CC2D2B: variants seen among roughly 807,000 people sequenced by gnomAD.
The protein encoded by CC2D2B is coiled-coil and C2 domain containing 2B, also known as protein CC2D2B.
In CC2D2B, 128 loss-of-function variants were observed where a neutral mutation model predicts 161.2. The ratio of observed to expected loss-of-function variants is 0.79; its 90% CI spans 0.69 to 0.92. CC2D2B has a LOEUF of 0.92. Among genes scored for constraint, CC2D2B ranks in the 40% least tolerant of loss-of-function variants. The pLI is 0.00. For missense variants in CC2D2B, 1,173 were observed against 1,375.1 expected, an observed-to-expected ratio of 0.85 and a Z score of 2.32; for synonymous variants, 391 against 449.8, an observed-to-expected ratio of 0.87 and a Z score of 1.65.
rs1239424477 is a variant in CC2D2B, at chr10:96,015,471, T to TTTC, written c.3517-728_3517-727insCTT. On this transcript the variant is annotated intron_variant, in intron 29 of 34. Coordinates refer to ENST00000646931, the MANE Select transcript of CC2D2B (RefSeq NM_001349008.3). ...AGTCTTTGCTAGAGTTTGTTTTTGT[T>TTTC]TTTTTTTTCAACAAAATCCAGAAAT... Among the ~76,000 whole-genome samples the TTTC allele has an allele frequency of 3.3e-5, 5 of 150,754 alleles. No individual in the cohort carries two copies. The East Asian group carries it at 9.7e-4, about 29-fold the overall frequency.
intron 25 of CC2D2B, among the ~76,000 whole-genome samples, chr10:96,004,860 A>G (rs1428926012): frequency 6.6e-6 from 1 of 152,186 alleles, no homozygotes; most frequent in Admixed American, 6.5e-5. Flanking sequence ...TCCAAATTCT[A>G]TGGCAATGCT....
chr10:95,910,538 A>C (rs1200793074), intron 1 of CC2D2B, among the ~76,000 whole-genome samples: 1 of 152,166 alleles, frequency 6.6e-6, no homozygotes, highest in African/African-American at 2.4e-5. Context: ...CTCATCATGA[A>C]GGGGATGGTG....
At chr10:95,973,466 T>A (rs1230050413) in intron 16 of CC2D2B, among the ~76,000 whole-genome samples, 1 of 151,848 alleles carries the variant, frequency 6.6e-6, no homozygotes, top group Non-Finnish European at 1.5e-5. Flanking sequence ...AGGAAGAAAA[T>A]CATGATATTC....
At chr10:95,912,560 A>G (rs2098508256) in intron 2 of CC2D2B, among the ~76,000 whole-genome samples, 1 of 152,200 alleles carries the variant, frequency 6.6e-6, no homozygotes, top group African/African-American at 2.4e-5. Context: ...ACAGAGGTAG[A>G]AGGGTAGAGG....
At chr10:95,965,516 G>T (rs1233348533) in intron 12 of CC2D2B, among the ~76,000 whole-genome samples, 2 of 151,896 alleles carry the variant, frequency 1.3e-5, no homozygotes, top group Non-Finnish European at 2.9e-5. Flanking sequence ...ACCTGCTCAG[G>T]TTCTCACAGC....
intron 2 of CC2D2B, among the ~76,000 whole-genome samples, chr10:95,914,898 G>T (rs1271392718): frequency 3.9e-5 from 6 of 152,162 alleles, no homozygotes; most frequent in African/African-American, 1.4e-4. Context: ...GCTATTATGA[G>T]TCTTTTTAGG....
chr10:96,019,291 C>T lies in CC2D2B; in HGVS notation c.3719C>T (p.Pro1240Leu), dbSNP rs1486461987. 1.1e-5 allele frequency: 18 copies of T among 1,611,968 alleles called. No individual in the cohort carries two copies. Among genetic ancestry groups the T allele is most frequent in the Admixed American group, 5.0e-5 (3 of 59,428 alleles). The change falls in exon 31 of 35, where the codon CCG becomes CTG. Residue 1240 changes from proline to leucine, a missense_variant. By Grantham distance (98) the Pro-to-Leu change is moderately conservative (BLOSUM62 -3). This residue lies in a region of CC2D2B where 598 missense variants were observed against 693.2 expected (regional missense o/e 0.86). Coordinates refer to ENST00000646931, the MANE Select transcript of CC2D2B (RefSeq NM_001349008.3). ...GGCCAATGTTATAAGCAGTTTGACC[C>T]GTTTTGTCCCTTAAAAAGTGTAGAT... The part of the protein sequence containing the change: ...STGQCYKQFD[P>L]FCPLKSVDCL...
intron 12 of CC2D2B, among the ~76,000 whole-genome samples, chr10:95,964,028 A>T (rs1310263812): frequency 3.3e-5 from 5 of 152,172 alleles, no homozygotes; most frequent in Admixed American, 6.6e-5. Context: ...TAACACAGAG[A>T]ATCCAGATTT....
At chr10:96,017,175 T>A (rs1199746752) in intron 30 of CC2D2B, among the ~76,000 whole-genome samples, 1 of 152,248 alleles carries the variant, frequency 6.6e-6, no homozygotes, top group Non-Finnish European at 1.5e-5. Context: ...TCTTCTACAT[T>A]TGTACCACCA....
chr10:95,927,563 A>T (rs1050308023), intron 6 of CC2D2B, among the ~76,000 whole-genome samples: 8 of 151,588 alleles, frequency 5.3e-5, no homozygotes. Flanking sequence ...TTAAATCCTC[A>T]TCTTAACCCT....
At chr10:95,984,404 A>C (rs190574160) in intron 19 of CC2D2B, among the ~76,000 whole-genome samples, 10 of 152,314 alleles carry the variant, frequency 6.6e-5, no homozygotes, top group Admixed American at 1.3e-4. Context: ...GGTTATGTAG[A>C]AGCATGTCCT....
chr10:95,957,722 G>A (rs1202281552), intron 11 of CC2D2B, among the ~76,000 whole-genome samples: 2 of 151,310 alleles, frequency 1.3e-5, no homozygotes, highest in African/African-American at 4.9e-5. Context: ...CACCACGCCT[G>A]GCTAATTTTT....
intron 32 of CC2D2B, among the ~76,000 whole-genome samples, chr10:96,024,561 G>C (rs1201043762): frequency 6.6e-6 from 1 of 152,180 alleles, no homozygotes; most frequent in African/African-American, 2.4e-5. Context: ...AAGATTATTT[G>C]GTAGTAGCAT....
intron 13 of CC2D2B, 45 bp from the exon 14 acceptor site, chr10:95,966,145 C>T (rs115516650): frequency 2.2e-5 from 17 of 768,962 alleles, no homozygotes; most frequent in Admixed American, 4.3e-5. Context: ...ATGTCCTACA[C>T]AGGGATGTAC....
chr10:96,012,707 T>G lies in CC2D2B; in HGVS notation c.3404T>G (p.Leu1135Arg). 6.3e-7 allele frequency: 1 copy of G among 1,596,190 alleles called. No individual in the cohort carries two copies. The highest frequency in any genetic ancestry group is 8.6e-7 in the Non-Finnish European group (1 of 1,163,918). The change falls in exon 28 of 35, where the codon CTT becomes CGT. Residue 1135 changes from leucine (L) to arginine (R), a missense_variant. Leu to Arg is a moderately radical substitution (Grantham distance 102, BLOSUM62 -2). Transcript: ENST00000646931. ...NPPQQLLDIFLHNSNATFDLI... is the reference protein window; with the variant it reads ...NPPQQLLDIFRHNSNATFDLI... ...CCTCAGCAACTTCTGGATATATTTCTTCACAATTCTAATGCAACATTTGTA... is the reference window on the plus strand; with the variant it reads ...CCTCAGCAACTTCTGGATATATTTCGTCACAATTCTAATGCAACATTTGTA...
Position 95,995,355 on chromosome 10 carries a change from C to G in CC2D2B, c.2729C>G (p.Thr910Ser), listed in dbSNP as rs1226274614. The G allele has an allele frequency of 3.3e-6, 5 of 1,494,458 alleles. No homozygotes were observed. In the African/African-American group the frequency reaches 4.2e-5, roughly 12 times the overall value. The allele number at this position is 1,494,458 out of a possible 1,614,324, so 92.6% of individuals were successfully genotyped here. A position where few individuals can be genotyped will look rare whatever the true frequency, so the allele number is the denominator to read the frequency against. ...ATCAAATCAGTAGCCTCAGATGAGACCTTACATGAGGTAAGTATTTAACAC... is the reference window on the plus strand; with the variant it reads ...ATCAAATCAGTAGCCTCAGATGAGAGCTTACATGAGGTAAGTATTTAACAC... ...ETIKSVASDE[T>S]LHEDTVHPFV... The change falls in exon 23 of 35, where the codon ACC becomes AGC. Residue 910 changes from threonine (T) to serine (S), a missense_variant. Thr to Ser is a moderately conservative substitution (Grantham distance 58). Around this residue, in one of 3 missense-constraint regions of CC2D2B, gnomAD observed 598 missense variants for 693.2 expected, o/e 0.86. Coordinates refer to ENST00000646931, the MANE Select transcript of CC2D2B (RefSeq NM_001349008.3).
At chr10:96,030,816 A>G (rs1193130924) in intron 34 of CC2D2B, among the ~76,000 whole-genome samples, 1 of 152,156 alleles carries the variant, frequency 6.6e-6, no homozygotes, top group Non-Finnish European at 1.5e-5. Flanking sequence ...AAGGTTTAAA[A>G]TGTGGAGTAC....
chr10:95,989,051 T>A (rs2077844955), intron 20 of CC2D2B, among the ~76,000 whole-genome samples: 2 of 152,244 alleles, frequency 1.3e-5, no homozygotes, highest in Non-Finnish European at 2.9e-5. Context: ...CACCTACATC[T>A]TCTTTGCTGT....
chr10:95,934,895 G>C (rs1287513120), intron 6 of CC2D2B, among the ~76,000 whole-genome samples: 1 of 139,984 alleles, frequency 7.1e-6, no homozygotes, highest in African/African-American at 2.6e-5. Flanking sequence ...TTTTGAGATG[G>C]AGTCTTGGTC....
Sources: gnomAD v4.1 joint callset for allele counts (sites outside exome capture counted in the v4.1 genomes callset) on GRCh38, gnomAD v4.1.1 for gene constraint, gnomAD v4.1.1 regional missense constraint, MANE v1.5 for transcripts, NCBI Gene and HGNC (gene_info 2026-07-23, HGNC 2026-07-21) for gene names.